The following SNX10 variants were observed in gnomAD, a reference collection of about 807,000 sequenced individuals.
The protein encoded by SNX10 is sorting nexin 10.
SNX10 carries 25 observed loss-of-function variants against 28.5 expected under a neutral mutation model. The observed-to-expected ratio is 0.88, with a 90% confidence interval of 0.64 to 1.22. The LOEUF is 1.22. SNX10 is among the 50% of genes most tolerant of loss of function. The pLI is 0.00. For missense variants in SNX10, 223 were observed against 242.6 expected (o/e 0.92, Z 0.54); for synonymous variants, 62 against 81.4 (o/e 0.76, Z 1.28).
chr7:26,366,114 T>A (rs575126866), intron 5 of SNX10, among the ~76,000 whole-genome samples: 1 of 152,310 alleles, frequency 6.6e-6, no homozygotes, highest in African/African-American at 2.4e-5. Context: ...GTCATATGAC[T>A]ACTAGTTACT....
Position 26,365,139 on chromosome 7 carries a change from T to G in SNX10, c.305T>G (p.Leu102Arg). 1 of 1,604,052 alleles carries G rather than the reference T, an allele frequency of 6.2e-7. No homozygotes were observed. Among genetic ancestry groups the G allele is most frequent in the Non-Finnish European group, 8.5e-7 (1 of 1,170,922 alleles). The change falls in exon 5 of 7, where the codon CTC becomes CGC. Residue 102 changes from leucine to arginine, a missense_variant. Transcript: ENST00000338523. Reference protein sequence around the residue: ...DQRRQGLEDFLRKVLQNALLL... With the variant: ...DQRRQGLEDFRRKVLQNALLL... ...CGTCGCCAGGGTCTGGAAGATTTCC[T>G]CAGAAAGTGAGTGTCCAGAAACTTT...
At position 26,364,102 on chromosome 7, in the gene SNX10, A is replaced by G. The variant is rs994804755; in HGVS notation, c.112-433A>G. ...TGTCAAGGAGATGAAGATTTCTGCA[A>G]TGTCTCATAAAGGGTCATGAGGAGG... is the stretch of plus-strand genomic sequence containing the variant. On this transcript the variant is annotated intron_variant, in intron 3 of 6. Coordinates refer to ENST00000338523, the MANE Select transcript of SNX10 (RefSeq NM_013322.3). The surrounding 1 kb of genome is among the most constrained non-coding windows in gnomAD (Gnocchi z 4.9). Among the ~76,000 whole-genome samples, 8 of 152,182 alleles carry G rather than the reference A, an allele frequency of 5.3e-5. No homozygotes were observed. Among genetic ancestry groups the G allele is most frequent in the Non-Finnish European group, 7.4e-5 (5 of 68,022 alleles).
chr7:26,346,691 C>T (rs1034460156), intron 2 of SNX10, among the ~76,000 whole-genome samples: 7 of 152,144 alleles, frequency 4.6e-5, no homozygotes, highest in Non-Finnish European at 8.8e-5. Context: ...ACCCACAGCT[C>T]GTGACTCAGA....
At chr7:26,308,216 C>T (rs1786671257) in intron 1 of SNX10, among the ~76,000 whole-genome samples, 1 of 152,204 alleles carries the variant, frequency 6.6e-6, no homozygotes, top group African/African-American at 2.4e-5. Context: ...TCCTGTTCTC[C>T]CTTCAACCTG....
rs191008755 is a variant in SNX10 at position 26,311,871 on chromosome 7, G to A, written c.-24+19785G>A. Among the ~76,000 whole-genome samples the A allele has an allele frequency of 1.3e-5, 2 of 151,812 alleles. 1 individual carries two copies. Among genetic ancestry groups the A allele is most frequent in the African/African-American group, 4.9e-5 (2 of 41,174 alleles). On this transcript the variant is annotated intron_variant, in intron 1 of 6. Transcript: ENST00000338523. ...GACATCCTTTAAGATTTTCACGCAC[G>A]TGGATGTTGCCCTTTTGTTGAGAGA...
At chr7:26,309,589 G>A (rs965654078) in intron 1 of SNX10, among the ~76,000 whole-genome samples, 6 of 152,154 alleles carry the variant, frequency 3.9e-5, no homozygotes, top group Middle Eastern at 3.4e-3. Context: ...TCAGGTATCC[G>A]GCTGTTGGCT....
chr7:26,331,893 A>G (rs1787763748), intron 1 of SNX10, among the ~76,000 whole-genome samples: 1 of 152,190 alleles, frequency 6.6e-6, no homozygotes, highest in Non-Finnish European at 1.5e-5. Flanking sequence ...TCTTTCACTT[A>G]TTGTAATGTT....
At chr7:26,324,177 CAT>C (rs1284055333) in intron 1 of SNX10, among the ~76,000 whole-genome samples, 1 of 151,854 alleles carries the variant, frequency 6.6e-6, no homozygotes, top group East Asian at 1.9e-4. Context: ...TATTCAGAAA[CAT>C]AGATATTTTT....
At chr7:26,344,203 G>T (rs1788290724) in intron 1 of SNX10, among the ~76,000 whole-genome samples, 1 of 127,502 alleles carries the variant, frequency 7.8e-6, no homozygotes. Flanking sequence ...TTTGAGATGA[G>T]GTCTCTCACT....
intron 1 of SNX10, among the ~76,000 whole-genome samples, chr7:26,315,561 G>A (rs1222928169): frequency 1.3e-5 from 2 of 151,900 alleles, no homozygotes; most frequent in East Asian, 1.9e-4. Flanking sequence ...CCAGCTACTC[G>A]GGAGGCTGAG....
At chr7:26,365,345 T>G (rs1789246403) in intron 5 of SNX10, among the ~76,000 whole-genome samples, 200 bp downstream of exon 5, 1 of 152,192 alleles carries the variant, frequency 6.6e-6, no homozygotes, top group South Asian at 2.1e-4. Flanking sequence ...GGACCAAGTC[T>G]TCTAGAAAGA....
Position 26,361,002 on chromosome 7 carries a change from C to T in SNX10, c.52C>T (p.Pro18Ser). 6.2e-7 allele frequency: 1 copy of T among 1,611,638 alleles called. No individual in the cohort carries two copies. Among genetic ancestry groups the T allele is most frequent in the Non-Finnish European group, 8.5e-7 (1 of 1,178,772 alleles). Residue 18 changes from proline to serine, a missense_variant, in exon 3 of 7, where the codon CCT becomes TCT. Coordinates refer to ENST00000338523, the MANE Select transcript of SNX10 (RefSeq NM_013322.3). The stretch of plus-strand genomic sequence containing the variant: ...ATTTGTAAGTGTCTGGGTTCGAGAT[C>T]CTAGGATTCAGAAGGAGGACTTCTG... The part of the protein sequence containing the change: ...EEFVSVWVRD[P>S]RIQKEDFWHS...
At chr7:26,345,738 G>A (rs548649039) in intron 1 of SNX10, among the ~76,000 whole-genome samples, 13 of 152,344 alleles carry the variant, frequency 8.5e-5, no homozygotes, top group South Asian at 2.1e-4. Flanking sequence ...GAATACATAT[G>A]TGTGGATATA....
intron 1 of SNX10, among the ~76,000 whole-genome samples, chr7:26,331,518 C>T (rs140280953): frequency 0.023 from 3,421 of 151,174 alleles, 76 homozygotes; most frequent in Admixed American, 0.066. Flanking sequence ...CCTGGGAGGT[C>T]GAGGCTGCTG....
chr7:26,351,722 T>C (rs562130958), intron 2 of SNX10, among the ~76,000 whole-genome samples: 21 of 144,564 alleles, frequency 1.5e-4, no homozygotes, highest in African/African-American at 4.6e-4. Flanking sequence ...AGTGGTGCGA[T>C]CTCGACTCAC....
At chr7:26,309,238 C>A (rs1337818391) in intron 1 of SNX10, among the ~76,000 whole-genome samples, 1 of 152,142 alleles carries the variant, frequency 6.6e-6, no homozygotes, top group Non-Finnish European at 1.5e-5. Flanking sequence ...CTCCATTCTT[C>A]CGGTTAGCCC....
At chr7:26,345,065 CT>C (rs1788331092) in intron 1 of SNX10, among the ~76,000 whole-genome samples, 1 of 152,220 alleles carries the variant, frequency 6.6e-6, no homozygotes, top group South Asian at 2.1e-4. Flanking sequence ...CTCTCTTTCT[CT>C]TATATGGGCA....
chr7:26,364,679 C>A lies in SNX10; in HGVS notation c.212+44C>A. 7.2e-7 allele frequency: 1 copy of A among 1,380,918 alleles called. No homozygotes were observed. The highest frequency in any genetic ancestry group is 2.3e-5 in the East Asian group (1 of 43,468). The allele number at this position is 1,380,918 out of a possible 1,614,324, so 85.5% of individuals were successfully genotyped here. A position where few individuals can be genotyped will look rare whatever the true frequency, so the allele number is the denominator to read the frequency against. On this transcript the variant is annotated intron_variant, in intron 4 of 6. Coordinates refer to ENST00000338523, the MANE Select transcript of SNX10 (RefSeq NM_013322.3). This position sits in a 1 kb window ranked among gnomAD's most constrained non-coding sequence, Gnocchi z 4.9. ...ACTGTGGAGACTTTGTCATTATATTCAGTATTTAAAATTGACGTTCATTAA... is the reference window on the plus strand; with the variant it reads ...ACTGTGGAGACTTTGTCATTATATTAAGTATTTAAAATTGACGTTCATTAA...
rs151287762 is a variant in SNX10 at position 26,295,701 on chromosome 7, A to T, written c.-24+3615A>T. The stretch of plus-strand genomic sequence containing the variant: ...CCAGAGACCCCCAGCTCTCTCACCA[A>T]GCTGTCCAATGCATGAGGCCAGCAA... On this transcript the variant is annotated intron_variant, in intron 1 of 6. Coordinates refer to ENST00000338523, the MANE Select transcript of SNX10 (RefSeq NM_013322.3). Among the ~76,000 whole-genome samples, 1,098 of 152,294 alleles carry T rather than the reference A, an allele frequency of 7.2e-3. 12 individuals carry two copies. The highest frequency in any genetic ancestry group is 0.026 in the African/African-American group (1,064 of 41,556).
Sources: allele counts gnomAD v4.1 joint callset (sites outside exome capture counted in the v4.1 genomes callset), GRCh38; gene constraint gnomAD v4.1.1; non-coding constraint Gnocchi (gnomAD v3.1); transcripts MANE v1.5; gene names NCBI Gene and HGNC (gene_info 2026-07-23, HGNC 2026-07-21).